Variants in FRMD4B observed in about 807,000 individuals in gnomAD.
FRMD4B encodes FERM domain-containing protein 4B.
FRMD4B carries 74 observed loss-of-function variants against 141.5 expected under a neutral mutation model. The ratio of observed to expected loss-of-function variants is 0.52; its 90% CI spans 0.43 to 0.63. The LOEUF is 0.63. FRMD4B is among the 30% of genes least tolerant of loss of function. The pLI is 0.00. For missense variants in FRMD4B, 1,366 were observed against 1,253.4 expected, an observed-to-expected ratio of 1.09 and a Z score of -1.36; for synonymous variants, 506 against 467.9, an observed-to-expected ratio of 1.08 and a Z score of -1.05.
intron 1 of FRMD4B, among the ~76,000 whole-genome samples, chr3:69,480,014 C>A (rs1472524029): frequency 1.1e-4 from 16 of 152,192 alleles, no homozygotes; most frequent in Admixed American, 9.2e-4. Context: ...CCTGAGGCTT[C>A]TGCATTCTTC....
intron 1 of FRMD4B, among the ~76,000 whole-genome samples, chr3:69,520,422 G>GAT (rs59416296): frequency 0.017 from 2,327 of 134,690 alleles, 153 homozygotes; most frequent in East Asian, 0.072. Context: ...TTTTTTCTGT[G>GAT]ATATATATAT....
intron 7 of FRMD4B, among the ~76,000 whole-genome samples, chr3:69,235,094 G>C (rs1014955931): frequency 6.6e-6 from 1 of 150,886 alleles, no homozygotes; most frequent in Non-Finnish European, 1.5e-5. Context: ...AGTTTACAGT[G>C]AGCCAATCTC....
At chr3:69,392,899 T>G (rs1704409887) in intron 2 of FRMD4B, among the ~76,000 whole-genome samples, 1 of 152,070 alleles carries the variant, frequency 6.6e-6, no homozygotes, top group Non-Finnish European at 1.5e-5. Flanking sequence ...GTCTCCTGCT[T>G]TCTTTCATCT....
intron 5 of FRMD4B, among the ~76,000 whole-genome samples, chr3:69,264,265 C>T (rs1022039819): frequency 6.6e-6 from 1 of 152,098 alleles, no homozygotes; most frequent in Non-Finnish European, 1.5e-5. Flanking sequence ...TCACCCCTGC[C>T]TAGTAGGTAT....
intron 1 of FRMD4B, among the ~76,000 whole-genome samples, chr3:69,455,492 T>C (rs926261393): frequency 6.6e-6 from 1 of 152,116 alleles, no homozygotes; most frequent in African/African-American, 2.4e-5. Flanking sequence ...AGGCTCACCG[T>C]GAAGGTCTGC....
intron 1 of FRMD4B, chr3:69,334,392 G>C (rs1173182527): frequency 6.6e-6 from 1 of 151,676 alleles, no homozygotes; most frequent in Non-Finnish European, 1.5e-5. Context: ...CCAGGACTTT[G>C]GGAGGCGGAG....
intron 3 of FRMD4B, among the ~76,000 whole-genome samples, chr3:69,305,133 C>CA (rs1701350669): frequency 6.6e-6 from 1 of 152,148 alleles, no homozygotes. Context: ...TCCCTCCACC[C>CA]ACCACCCTAC....
chr3:69,287,925 A>C (rs1246151034), intron 4 of FRMD4B, 89 bp from the exon 5 acceptor site: 2 of 633,894 alleles, frequency 3.2e-6, no homozygotes, highest in African/African-American at 3.7e-5. Flanking sequence ...CAGGGCAAGA[A>C]TTTTGAGAAA....
At chr3:69,372,520 C>T (rs1703854582) in intron 1 of FRMD4B, among the ~76,000 whole-genome samples, 1 of 152,162 alleles carries the variant, frequency 6.6e-6, no homozygotes, top group South Asian at 2.1e-4. Context: ...CAAAAATTAG[C>T]TGGGCGTGGT....
At chr3:69,254,691 G>A (rs528648231) in intron 5 of FRMD4B, among the ~76,000 whole-genome samples, 1 of 152,250 alleles carries the variant, frequency 6.6e-6, no homozygotes, top group African/African-American at 2.4e-5. Flanking sequence ...TGGGGGCTGG[G>A]AAAGGTCTGA....
At chr3:69,198,855 T>C (rs1294580712) in intron 11 of FRMD4B, 81 bp from the exon 12 acceptor site, 2 of 734,794 alleles carry the variant, frequency 2.7e-6, no homozygotes, top group Admixed American at 2.2e-5. Context: ...AATCAAACAA[T>C]TATAAGCTCC....
intron 1 of FRMD4B, among the ~76,000 whole-genome samples, chr3:69,537,889 G>A (rs1701110824): frequency 6.6e-6 from 1 of 152,174 alleles, no homozygotes; most frequent in Non-Finnish European, 1.5e-5. Context: ...CCCTTTTCCT[G>A]CAACTGTATT....
chr3:69,240,768 ATC>A (rs1376595565), intron 7 of FRMD4B, among the ~76,000 whole-genome samples: 20 of 152,208 alleles, frequency 1.3e-4, no homozygotes, highest in African/African-American at 4.8e-4. Flanking sequence ...GTGTTATGTT[ATC>A]ACTTAGTGTG....
At chr3:69,348,717 G>T (rs1365903700) in intron 1 of FRMD4B, among the ~76,000 whole-genome samples, 1 of 152,098 alleles carries the variant, frequency 6.6e-6, no homozygotes, top group African/African-American at 2.4e-5. Context: ...CATATAAACA[G>T]AACCAAAGAC....
chr3:69,439,392 G>A (rs568073250), intron 1 of FRMD4B, among the ~76,000 whole-genome samples: 1 of 152,250 alleles, frequency 6.6e-6, no homozygotes, highest in African/African-American at 2.4e-5. Context: ...AGAGTACATG[G>A]CAGTACTGTG....
chr3:69,206,381 A>T (rs113809679), intron 11 of FRMD4B, among the ~76,000 whole-genome samples: 1 of 152,248 alleles, frequency 6.6e-6, no homozygotes, highest in Admixed American at 6.5e-5. Context: ...ACAAAAACCC[A>T]TATCTTAAAT....
intron 4 of FRMD4B, among the ~76,000 whole-genome samples, chr3:69,297,547 T>C (rs1195941087): frequency 6.6e-6 from 1 of 152,174 alleles, no homozygotes; most frequent in Non-Finnish European, 1.5e-5. Flanking sequence ...TGGCTTTGAC[T>C]GGAACAGGGT....
chr3:69,255,496 G>A (rs2093486899), intron 5 of FRMD4B, among the ~76,000 whole-genome samples: 1 of 152,100 alleles, frequency 6.6e-6, no homozygotes, highest in Non-Finnish European at 1.5e-5. Context: ...AGTGAGCTGT[G>A]ATTGTGCCAC....
intron 5 of FRMD4B, among the ~76,000 whole-genome samples, chr3:69,270,313 C>G (rs2093588143): frequency 6.6e-6 from 1 of 152,186 alleles, no homozygotes; most frequent in South Asian, 2.1e-4. Flanking sequence ...ATAAAGATAG[C>G]CCTTCAAACC....
Sources: gnomAD v4.1 joint callset for allele counts (sites outside exome capture counted in the v4.1 genomes callset) on GRCh38, gnomAD v4.1.1 for gene constraint, MANE v1.5 for transcripts, NCBI Gene and HGNC (gene_info 2026-07-23, HGNC 2026-07-21) for gene names.